CIITA: variants seen among roughly 807,000 people sequenced by gnomAD.
CIITA encodes the protein MHC class II transactivator.
A neutral mutation model predicts 115.1 loss-of-function variants in CIITA; 72 were observed. That is an observed-to-expected ratio of 0.63 (90% confidence interval 0.52 to 0.76). The LOEUF is 0.76. Ranked by LOEUF, CIITA falls within the 30% of genes least tolerant of loss-of-function variation. The pLI is 0.00. For missense variants in CIITA, 1,617 were observed against 1,463.8 expected (o/e 1.10, Z -1.71); for synonymous variants, 763 against 635.6 (o/e 1.20, Z -3.02).
At position 10,926,792 on chromosome 16, in the gene CIITA, T is replaced by C. The variant is rs1246079321; in HGVS notation, c.*2937T>C. The C allele has an allele frequency of 1.3e-5, 2 of 152,204 alleles. No individual in the cohort carries two copies. The highest frequency in any genetic ancestry group is 2.9e-5 in the Non-Finnish European group (2 of 68,072). The allele number at this position is 152,204 out of a possible 1,614,324, so 9.4% of individuals were successfully genotyped here. Reference sequence around the variant, plus strand: ...GCCTTGGCCTCCCAAAGTGCTGGGATTACAGGGGTGAGCCACCGCACCCGG... The same window carrying C: ...GCCTTGGCCTCCCAAAGTGCTGGGACTACAGGGGTGAGCCACCGCACCCGG... On this transcript the variant is annotated 3_prime_UTR_variant, in exon 20 of 20. Coordinates refer to ENST00000324288, the MANE Select transcript of CIITA (RefSeq NM_000246.4).
chr16:10,902,781 C>A lies in CIITA; in HGVS notation c.752C>A (p.Ser251Tyr). The change falls in exon 8 of 20, where the codon TCC (serine) becomes TAC (tyrosine). Residue 251 changes from serine (S) to tyrosine (Y), a missense_variant. Physicochemically the swap from Ser to Tyr is moderately radical, Grantham distance 144 (BLOSUM62 -2). Coordinates refer to ENST00000324288, the MANE Select transcript of CIITA (RefSeq NM_000246.4). Reference protein sequence around the residue: ...WQISEAGTGVSSIFIYHGEVP... With the variant: ...WQISEAGTGVYSIFIYHGEVP... Reference sequence around the variant, plus strand: ...ATCTCTGAGGCTGGAACAGGGGTCTCCAGTATATTCATCTACCATGGTGAG... The same window carrying A: ...ATCTCTGAGGCTGGAACAGGGGTCTACAGTATATTCATCTACCATGGTGAG... 1.2e-6 allele frequency: 2 copies of A among 1,614,192 alleles called. No individual in the cohort carries two copies. Among genetic ancestry groups the A allele is most frequent in the Non-Finnish European group, 1.7e-6 (2 of 1,180,042 alleles).
intron 5 of CIITA, among the ~76,000 whole-genome samples, 162 bp downstream of exon 5, chr16:10,899,164 T>C (rs1005549153): frequency 6.6e-6 from 1 of 152,182 alleles, no homozygotes; most frequent in African/African-American, 2.4e-5. Context: ...CATCTGATTA[T>C]TTCATGGCCC....
rs1306132370 is a variant in CIITA, at chr16:10,933,805, T to G, written c.*9950T>G. 1 of 152,138 alleles carries G rather than the reference T, an allele frequency of 6.6e-6. No homozygotes were observed. The highest frequency in any genetic ancestry group is 1.5e-5 in the Non-Finnish European group (1 of 68,054). The allele number at this position is 152,138 out of a possible 1,614,324, so 9.4% of individuals were successfully genotyped here. A position where few individuals can be genotyped will look rare whatever the true frequency, so the allele number is the denominator to read the frequency against. ...TTTCTCCATGTACCAAAAAATCAAT[T>G]AAAGTGGCTAAAGACAGACGTCACC... On this transcript the variant is annotated 3_prime_UTR_variant, in exon 20 of 20. Coordinates refer to ENST00000324288, the MANE Select transcript of CIITA (RefSeq NM_000246.4).
At position 10,927,674 on chromosome 16, in the gene CIITA, T is replaced by C. The variant is rs2040587552; in HGVS notation, c.*3819T>C. 6.6e-6 allele frequency: 1 copy of C among 152,188 alleles called. No homozygotes were observed. The highest frequency in any genetic ancestry group is 1.5e-5 in the Non-Finnish European group (1 of 68,036). The allele number at this position is 152,188 out of a possible 1,614,324, so 9.4% of individuals were successfully genotyped here. ...CTGCTTGCCAAACTGGGAGTCCTGG[T>C]GTGGAGCCTTTTAACCCAGAGGGGC... On this transcript the variant is annotated 3_prime_UTR_variant, in exon 20 of 20. Transcript: ENST00000324288.
rs776402851 is a variant in CIITA at position 10,899,010 on chromosome 16, A to T, written c.436+8A>T. The T allele has an allele frequency of 9.9e-6, 16 of 1,613,820 alleles. No homozygotes were observed. In the African/African-American group the frequency reaches 1.9e-4, roughly 19 times the overall value. On this transcript the variant is annotated splice_region_variant and intron_variant, in intron 5 of 19. Coordinates refer to ENST00000324288, the MANE Select transcript of CIITA (RefSeq NM_000246.4). ...AGAAAAGTCAGAAAAGACGTGAGTG[A>T]GCCCCTCCCTGATCCAACCTAGCCT...
chr16:10,901,669 C>G lies in CIITA; in HGVS notation c.481+111C>G. ...ATGGGGATGGTGCATGGTGCAGCCC[C>G]TGCCCTTCTTTGGGTAGAGGCTGAG... On this transcript the variant is annotated intron_variant, in intron 6 of 19. Transcript: ENST00000324288. This position sits in a 1 kb window ranked among gnomAD's most constrained non-coding sequence, Gnocchi z 6.8. 1 of 1,208,758 alleles carries G rather than the reference C, an allele frequency of 8.3e-7. No homozygotes were observed. The highest frequency in any genetic ancestry group is 2.5e-5 in the East Asian group (1 of 39,536). The allele number at this position is 1,208,758 out of a possible 1,614,324, so 74.9% of individuals were successfully genotyped here. A position where few individuals can be genotyped will look rare whatever the true frequency, so the allele number is the denominator to read the frequency against.
intron 1 of CIITA, 51 bp from the exon 2 acceptor site, chr16:10,895,231 T>G (rs1399651521): frequency 6.2e-7 from 1 of 1,609,284 alleles, no homozygotes; most frequent in African/African-American, 1.3e-5. Flanking sequence ...GTCAATTTTC[T>G]GCCTCTTTCC....
chr16:10,895,462 C>T, intron 2 of CIITA, 34 bp downstream of exon 2: 1 of 1,610,962 alleles, frequency 6.2e-7, no homozygotes, highest in African/African-American at 1.3e-5. Context: ...CTTCCGGTAT[C>T]CCCCACCCCT....
At position 10,901,306 on chromosome 16, in the gene CIITA, T is replaced by G. The variant is rs547778577; in HGVS notation, c.437-208T>G. Reference sequence around the variant, plus strand: ...CCATTTGTGACTCGGCCTCTTCTGCTGCTACACTGCCTGGTATGGTTTGAG... The same window carrying G: ...CCATTTGTGACTCGGCCTCTTCTGCGGCTACACTGCCTGGTATGGTTTGAG... On this transcript the variant is annotated intron_variant, in intron 5 of 19. Transcript: ENST00000324288. This position sits in a 1 kb window ranked among gnomAD's most constrained non-coding sequence, Gnocchi z 6.8. Among the ~76,000 whole-genome samples, 5 of 152,206 alleles carry G rather than the reference T, an allele frequency of 3.3e-5. No homozygotes were observed. Among genetic ancestry groups the G allele is most frequent in the African/African-American group, 1.2e-4 (5 of 41,460 alleles).
chr16:10,898,813 C>A lies in CIITA; in HGVS notation c.358+81C>A. 2.5e-6 allele frequency: 4 copies of A among 1,598,474 alleles called. No individual in the cohort carries two copies. In the South Asian group the frequency reaches 3.3e-5, roughly 13 times the overall value. ...CCCTGGGGGGTGCCCTAATACCTGA[C>A]GACCATTCATTGATGGGCAGTCAGA... On this transcript the variant is annotated intron_variant, in intron 4 of 19. Coordinates refer to ENST00000324288, the MANE Select transcript of CIITA (RefSeq NM_000246.4).
upstream of CIITA, among the ~76,000 whole-genome samples, chr16:10,875,342 T>C (rs776933566): frequency 6.6e-6 from 1 of 152,170 alleles, no homozygotes; most frequent in Middle Eastern, 3.2e-3. Context: ...GCATTTCTTA[T>C]TTGTCAATTT....
chr16:10,938,077 C>T (rs1439594276), downstream of CIITA: 2 of 152,168 alleles, frequency 1.3e-5, no homozygotes, highest in Middle Eastern at 3.2e-3. The surrounding 1 kb of genome is among the most constrained non-coding windows in gnomAD (Gnocchi z 4.9). Context: ...CCATTGTATC[C>T]GACTATGAAT....
Position 10,902,152 on chromosome 16 carries a change from A to C in CIITA, c.596A>C (p.Gln199Pro). ...TTCAACCAGGAGCCAGCCTCCGGCC[A>C]GATGCGCCTGGAGAAAACCGACCAG... is the stretch of plus-strand genomic sequence containing the variant. ...ALFNQEPASG[Q>P]MRLEKTDQIP... Residue 199 changes from glutamine (Q) to proline (P), a missense_variant, in exon 7 of 20, where the codon CAG becomes CCG. Coordinates refer to ENST00000324288, the MANE Select transcript of CIITA (RefSeq NM_000246.4). 6.2e-7 allele frequency: 1 copy of C among 1,614,200 alleles called. No homozygotes were observed. Among genetic ancestry groups the C allele is most frequent in the South Asian group, 1.1e-5 (1 of 91,088 alleles).
At chr16:10,882,646 C>G (rs2036543207) in intron 1 of CIITA, among the ~76,000 whole-genome samples, 1 of 152,060 alleles carries the variant, frequency 6.6e-6, no homozygotes, top group Non-Finnish European at 1.5e-5. Flanking sequence ...ACCTGTAACC[C>G]CAGCACTTTG....
At chr16:10,913,057 C>A (rs1487963959) in intron 13 of CIITA, among the ~76,000 whole-genome samples, 3 of 152,228 alleles carry the variant, frequency 2.0e-5, no homozygotes, top group Non-Finnish European at 4.4e-5. Context: ...CCTACACTCG[C>A]TGGGTGCTCT....
chr16:10,878,981 G>A, intron 1 of CIITA: 1 of 222,494 alleles, frequency 4.5e-6, no homozygotes. Flanking sequence ...ACTTGCCGCG[G>A]CCCCAGAGCT....
Position 10,908,937 on chromosome 16 carries a change from T to C in CIITA, c.2658-92T>C, listed in dbSNP as rs142112251. ...GAGGTTGAGCTAAGGAAAGAAAGTA[T>C]TTTAATAGGTAGGAGGACCCTTCAT... On this transcript the variant is annotated intron_variant, in intron 11 of 19. Transcript: ENST00000324288. 43 of 1,582,126 alleles carry C rather than the reference T, an allele frequency of 2.7e-5. No homozygotes were observed. In the East Asian group the frequency reaches 8.3e-4, roughly 30 times the overall value.
At chr16:10,938,120 T>C (rs2041054583), downstream of CIITA, 1 of 152,226 alleles carries the variant, frequency 6.6e-6, no homozygotes, top group African/African-American at 2.4e-5. This position sits in a 1 kb window ranked among gnomAD's most constrained non-coding sequence, Gnocchi z 4.9. Context: ...TCTCTTACTA[T>C]ATACAAGGAG....
upstream of CIITA, among the ~76,000 whole-genome samples, chr16:10,876,086 G>A (rs2143385711): frequency 6.6e-6 from 1 of 152,344 alleles, no homozygotes. Context: ...GAACCCGGGA[G>A]GCGGAGGTTG....
Sources: allele counts gnomAD v4.1 joint callset (sites outside exome capture counted in the v4.1 genomes callset), GRCh38; gene constraint gnomAD v4.1.1; non-coding constraint Gnocchi (gnomAD v3.1); transcripts MANE v1.5; gene names NCBI Gene and HGNC (gene_info 2026-07-23, HGNC 2026-07-21).